The following IKBKB-DT variants were observed in gnomAD, a reference collection of about 807,000 sequenced individuals.
IKBKB-DT encodes IKBKB antisense RNA.
intron 3 of IKBKB-DT, among the ~76,000 whole-genome samples, chr8:42,260,167 T>A (rs187814769): frequency 1.3e-5 from 2 of 152,084 alleles, no homozygotes; most frequent in Admixed American, 6.6e-5. Context: ...AGAAAAACTG[T>A]GCCAACCATA....
chr8:42,256,743 C>T (rs73622121), intron 3 of IKBKB-DT, among the ~76,000 whole-genome samples: 8,693 of 152,076 alleles, frequency 0.057, 780 homozygotes, highest in African/African-American at 0.19. Flanking sequence ...TCATCAGGAA[C>T]GTGTACTTGT....
chr8:42,247,124 C>T (rs1350244970), intron 3 of IKBKB-DT, among the ~76,000 whole-genome samples: 1 of 152,136 alleles, frequency 6.6e-6, no homozygotes, highest in Non-Finnish European at 1.5e-5. Flanking sequence ...AAGCCACAGA[C>T]AACGCCACAA....
chr8:42,253,354 ACATCAATCAAATGTTTGATTGGAT>A (rs1321023574), intron 3 of IKBKB-DT, among the ~76,000 whole-genome samples: 2 of 152,208 alleles, frequency 1.3e-5, no homozygotes, highest in Non-Finnish European at 1.5e-5. Context: ...AATACATTTG[ACATCAATCAAATGTTTGATTGGAT>A]CATCAATCAA....
chr8:42,264,263 C>T (rs78624160), intron 2 of IKBKB-DT, among the ~76,000 whole-genome samples: 8,165 of 151,086 alleles, frequency 0.054, 693 homozygotes, highest in African/African-American at 0.18. Context: ...TTCAAGTGAC[C>T]CTCCTACCTC....
In IKBKB-DT at chr8:42,246,973, G is replaced by GATT. The variant is rs1807072551; in HGVS notation, n.1530-13115_1530-13114insAAT. On this transcript the variant is annotated intron_variant and non_coding_transcript_variant, in intron 3 of 3. Transcript: ENST00000518213. Reference sequence around the variant, plus strand: ...ATGCATAGTTCACAACAGGGTTCCTGCTCCTAGGAGAATCTGAGGCCGCCA... The same window carrying GATT: ...ATGCATAGTTCACAACAGGGTTCCTGATTCTCCTAGGAGAATCTGAGGCCGCCA... 7.2e-5 allele frequency among the ~76,000 whole-genome samples: 11 copies of GATT among 152,318 alleles called. No individual in the cohort carries two copies. In the South Asian group the frequency reaches 2.3e-3, roughly 32 times the overall value.
At chr8:42,239,866 T>C (rs1348095152) in intron 3 of IKBKB-DT, among the ~76,000 whole-genome samples, 1 of 151,552 alleles carries the variant, frequency 6.6e-6, no homozygotes, top group Non-Finnish European at 1.5e-5. Flanking sequence ...CTCGAACTCC[T>C]GACCTTAGGT....
chr8:42,271,133 A>G (rs976493131), exon 1 of IKBKB-DT: 3 of 522,586 alleles, frequency 5.7e-6, no homozygotes, highest in Admixed American at 3.4e-5. Context: ...ATCGGTGAGC[A>G]CGGTCTGTCT....
chr8:42,266,651 G>A (rs1807372991), intron 1 of IKBKB-DT, among the ~76,000 whole-genome samples: 1 of 152,166 alleles, frequency 6.6e-6, no homozygotes, highest in African/African-American at 2.4e-5. Context: ...CTAAGTCACA[G>A]AACGAGACAG....
intron 3 of IKBKB-DT, among the ~76,000 whole-genome samples, chr8:42,251,311 T>C (rs1003488593): frequency 6.6e-6 from 1 of 152,242 alleles, no homozygotes; most frequent in African/African-American, 2.4e-5. Flanking sequence ...TGCTGTATCC[T>C]GCATCCATTG....
At chr8:42,262,619 T>G (rs2129932079) in intron 3 of IKBKB-DT, among the ~76,000 whole-genome samples, 1 of 151,840 alleles carries the variant, frequency 6.6e-6, no homozygotes, top group South Asian at 2.1e-4. Flanking sequence ...TTTTTTATTT[T>G]TAGTAGGGAT....
At chr8:42,238,199 G>C (rs1013660152) in intron 3 of IKBKB-DT, among the ~76,000 whole-genome samples, 5 of 152,062 alleles carry the variant, frequency 3.3e-5, no homozygotes, top group African/African-American at 1.2e-4. Context: ...TAGCAGTAAT[G>C]AGTCCCTACC....
At chr8:42,240,893 T>G (rs567690283) in intron 3 of IKBKB-DT, among the ~76,000 whole-genome samples, 74 of 152,144 alleles carry the variant, frequency 4.9e-4, no homozygotes, top group African/African-American at 1.8e-3. Flanking sequence ...AAGAATCGCT[T>G]GAGCCCTGGA....
chr8:42,262,296 T>A (rs866236631), intron 3 of IKBKB-DT, among the ~76,000 whole-genome samples: 30 of 128,948 alleles, frequency 2.3e-4, no homozygotes, highest in African/African-American at 7.2e-4. Flanking sequence ...AAAAAAAAAA[T>A]AAATAAAAGA....
At chr8:42,248,261 G>A (rs936962626) in intron 3 of IKBKB-DT, among the ~76,000 whole-genome samples, 2 of 152,074 alleles carry the variant, frequency 1.3e-5, no homozygotes, top group African/African-American at 4.8e-5. Context: ...TAATATAGGT[G>A]GTAATGCTCG....
chr8:42,236,991 A>AT (rs1806931771), intron 3 of IKBKB-DT, among the ~76,000 whole-genome samples: 1 of 152,014 alleles, frequency 6.6e-6, no homozygotes, highest in Admixed American at 6.6e-5. Context: ...AAGTGCTGAG[A>AT]TTATAGGCAT....
chr8:42,238,402 G>C (rs1323590197), intron 3 of IKBKB-DT, among the ~76,000 whole-genome samples: 2 of 152,166 alleles, frequency 1.3e-5, no homozygotes, highest in African/African-American at 4.8e-5. Flanking sequence ...TTTGAAGCAA[G>C]GATGATAATA....
intron 3 of IKBKB-DT, among the ~76,000 whole-genome samples, chr8:42,250,308 A>G (rs1807115828): frequency 6.6e-6 from 1 of 152,134 alleles, no homozygotes; most frequent in South Asian, 2.1e-4. Context: ...AGCCATCGGT[A>G]TCAGACATAC....
chr8:42,239,829 A>C (rs1806977610), intron 3 of IKBKB-DT, among the ~76,000 whole-genome samples: 2 of 150,690 alleles, frequency 1.3e-5, no homozygotes, highest in South Asian at 4.2e-4. Context: ...AGTAGAAAGG[A>C]GGTTTTGCCA....
At chr8:42,240,624 C>CAAAAAAAAAAAA (rs1208809199) in intron 3 of IKBKB-DT, among the ~76,000 whole-genome samples, 1 of 26,396 alleles carries the variant, frequency 3.8e-5, no homozygotes. Context: ...GACTCAGTCT[C>CAAAAAAAAAAAA]AAAAAAAAAA....
Sources: gnomAD v4.1 joint callset for allele counts (sites outside exome capture counted in the v4.1 genomes callset) on GRCh38, gnomAD v4.1.1 for gene constraint, MANE v1.5 for transcripts, NCBI Gene and HGNC (gene_info 2026-07-23, HGNC 2026-07-21) for gene names.